The following SPAG17 variants were observed in gnomAD, a reference collection of about 807,000 sequenced individuals.
The protein encoded by SPAG17 is sperm-associated antigen 17.
Under a neutral mutation model 273.6 loss-of-function variants are expected in SPAG17, and 169 were observed. That is an observed-to-expected ratio of 0.62 (90% CI 0.55 to 0.70). The LOEUF (loss-of-function observed/expected upper bound fraction) is 0.70, where lower values mean the gene tolerates loss of function less well. Ranked by LOEUF, SPAG17 falls within the 30% of genes least tolerant of loss-of-function variation. The pLI is 0.00. For synonymous variants in SPAG17, 825 were observed against 873.2 expected, an observed-to-expected ratio of 0.94 and a Z score of 0.97; for missense variants, 2,557 against 2,627.8, an observed-to-expected ratio of 0.97 and a Z score of 0.59.
chr1:118,105,716 A>C lies in SPAG17; in HGVS notation c.448-3790T>G, dbSNP rs146182115. ...CAAGGTTAGAGAACAGGACATCTCAAGACTTTGGAGGTGATGAGGGCTTCA... is the reference window on the plus strand; with the variant it reads ...CAAGGTTAGAGAACAGGACATCTCACGACTTTGGAGGTGATGAGGGCTTCA... On this transcript the variant is annotated intron_variant, in intron 4 of 48. Transcript: ENST00000336338. 1.2e-4 allele frequency among the ~76,000 whole-genome samples: 19 copies of C among 152,282 alleles called. No individual in the cohort carries two copies. The East Asian group carries it at 3.7e-3, about 29-fold the overall frequency.
At chr1:118,139,937 GGGTTAATA>G (rs1261169043) in intron 3 of SPAG17, among the ~76,000 whole-genome samples, 3 of 152,078 alleles carry the variant, frequency 2.0e-5, no homozygotes, top group African/African-American at 7.2e-5. Flanking sequence ...ATGGATTACT[GGGTTAATA>G]GATTAATAGA....
At chr1:118,045,015 G>C (rs1650189334) in intron 20 of SPAG17, among the ~76,000 whole-genome samples, 1 of 152,040 alleles carries the variant, frequency 6.6e-6, no homozygotes, top group Non-Finnish European at 1.5e-5. Context: ...GCCAACCAAG[G>C]ATTTTATAAA....
At chr1:118,079,878 G>A (rs1375622526) in intron 15 of SPAG17, among the ~76,000 whole-genome samples, 1 of 151,864 alleles carries the variant, frequency 6.6e-6, no homozygotes, top group Non-Finnish European at 1.5e-5. Flanking sequence ...TAAATTTGGT[G>A]TTGTTTAATA....
chr1:118,035,985 GA>G (rs1303379061), intron 24 of SPAG17, among the ~76,000 whole-genome samples: 4 of 152,280 alleles, frequency 2.6e-5, no homozygotes, highest in Non-Finnish European at 5.9e-5. Flanking sequence ...TTGAGCACAG[GA>G]GTTTAAGACC....
chr1:118,078,313 T>C (rs1034593636), intron 15 of SPAG17, among the ~76,000 whole-genome samples: 1 of 152,138 alleles, frequency 6.6e-6, no homozygotes, highest in African/African-American at 2.4e-5. Flanking sequence ...CCACTTATTT[T>C]TTAAATGTTT....
At chr1:118,027,251 G>T (rs1405671438) in intron 26 of SPAG17, among the ~76,000 whole-genome samples, 1 of 152,174 alleles carries the variant, frequency 6.6e-6, no homozygotes, top group Non-Finnish European at 1.5e-5. Flanking sequence ...AGGGAACAGG[G>T]TCCATGGGCT....
chr1:118,179,197 T>C (rs948398225), intron 1 of SPAG17, among the ~76,000 whole-genome samples: 6 of 151,808 alleles, frequency 4.0e-5, no homozygotes, highest in African/African-American at 1.4e-4. Flanking sequence ...TTTCAAAATA[T>C]AGTAAACAAA....
At chr1:118,040,599 T>G in intron 22 of SPAG17, 131 bp downstream of exon 22, 1 of 642,352 alleles carries the variant, frequency 1.6e-6, no homozygotes, top group Non-Finnish European at 2.8e-6. Flanking sequence ...AAATGCTGAC[T>G]GTGGCACCTA....
chr1:117,977,171 AT>A (rs1655233487), intron 43 of SPAG17, among the ~76,000 whole-genome samples: 1 of 136,894 alleles, frequency 7.3e-6, no homozygotes, highest in Admixed American at 7.3e-5. Flanking sequence ...AAAAAAAAAA[AT>A]TAGCTGGGTG....
chr1:118,025,093 A>C, intron 27 of SPAG17, 145 bp downstream of exon 27: 1 of 646,922 alleles, frequency 1.5e-6, no homozygotes, highest in South Asian at 2.1e-5. Flanking sequence ...AATTCTAACT[A>C]TATTATTTAT....
chr1:118,108,564 C>G, intron 4 of SPAG17, among the ~76,000 whole-genome samples: 1 of 152,166 alleles, frequency 6.6e-6, no homozygotes, highest in East Asian at 1.9e-4. Context: ...TAGCTCACAA[C>G]TTTAAAAATT....
chr1:118,033,932 A>G (rs942185030), intron 24 of SPAG17, among the ~76,000 whole-genome samples: 1 of 152,186 alleles, frequency 6.6e-6, no homozygotes, highest in African/African-American at 2.4e-5. Context: ...CAGCACTAAG[A>G]CAGATATTAT....
intron 18 of SPAG17, among the ~76,000 whole-genome samples, chr1:118,064,623 T>C (rs1652755123): frequency 6.9e-6 from 1 of 144,850 alleles, no homozygotes; most frequent in Non-Finnish European, 1.5e-5. Flanking sequence ...CATTAGGAGA[T>C]ATACCTAATG....
intron 42 of SPAG17, among the ~76,000 whole-genome samples, chr1:117,983,225 A>T (rs1656028565): frequency 6.6e-6 from 1 of 152,144 alleles, no homozygotes; most frequent in African/African-American, 2.4e-5. Context: ...GATCTCATGA[A>T]ACTTATTCAC....
Position 117,970,116 on chromosome 1 carries a change from C to T in SPAG17, c.6327G>A (p.Arg2109=), listed in dbSNP as rs549582298. 2.7e-5 allele frequency: 44 copies of T among 1,610,542 alleles called. No individual in the cohort carries two copies. In the African/African-American group the frequency reaches 5.5e-4, roughly 20 times the overall value. Residue 2109 remains arginine (R), a splice_region_variant and synonymous_variant, in exon 46 of 49, where the codon AGG becomes AGA. Coordinates refer to ENST00000336338, the MANE Select transcript of SPAG17 (RefSeq NM_206996.4). ...KLKNVGVDFC[R]FKVKQPPPST... ...TGGGTGGGGGCTGCTTTACTTTAAA[C>T]CTACAAGGCAGAAAGATAAAAATAA...
intron 42 of SPAG17, among the ~76,000 whole-genome samples, chr1:117,982,912 A>G (rs1655996913): frequency 6.6e-6 from 1 of 152,200 alleles, no homozygotes; most frequent in Non-Finnish European, 1.5e-5. Flanking sequence ...GTCGTCTTAT[A>G]GAATGTCTGC....
At chr1:118,059,684 T>C (rs1414963185) in intron 18 of SPAG17, among the ~76,000 whole-genome samples, 1 of 152,144 alleles carries the variant, frequency 6.6e-6, no homozygotes, top group Non-Finnish European at 1.5e-5. Context: ...ATGTAGTCAT[T>C]ATATGTCTTT....
chr1:118,116,345 G>A (rs774713342), intron 3 of SPAG17, among the ~76,000 whole-genome samples: 1 of 152,088 alleles, frequency 6.6e-6, no homozygotes, highest in Non-Finnish European at 1.5e-5. Context: ...AGTATTTTTT[G>A]ACTTTTGTTT....
intron 43 of SPAG17, among the ~76,000 whole-genome samples, chr1:117,979,073 TAGCC>T (rs1655463455): frequency 1.3e-5 from 2 of 152,218 alleles, no homozygotes; most frequent in African/African-American, 4.8e-5. Flanking sequence ...TTCAGCATGT[TAGCC>T]AGGCTGGTCT....
Sources: allele counts gnomAD v4.1 joint callset (sites outside exome capture counted in the v4.1 genomes callset), GRCh38; gene constraint gnomAD v4.1.1; transcripts MANE v1.5; gene names NCBI Gene and HGNC (gene_info 2026-07-23, HGNC 2026-07-21).